The following TGFA variants were observed in gnomAD, a reference collection of about 807,000 sequenced individuals.
TGFA encodes the protein transforming growth factor alpha.
A neutral mutation model predicts 21.7 loss-of-function variants in TGFA; 12 were observed. The ratio of observed to expected loss-of-function variants is 0.55; its 90% confidence interval spans 0.35 to 0.90. TGFA has a LOEUF of 0.90. TGFA is among the 40% of genes least tolerant of loss of function. The pLI is 0.01. For missense variants in TGFA, 178 were observed against 210.8 expected, an observed-to-expected ratio of 0.84 and a Z score of 0.96; for synonymous variants, 79 against 88.1, an observed-to-expected ratio of 0.90 and a Z score of 0.58.
At chr2:70,481,652 A>G (rs889564646) in intron 2 of TGFA, among the ~76,000 whole-genome samples, 2 of 152,198 alleles carry the variant, frequency 1.3e-5, no homozygotes, top group Non-Finnish European at 1.5e-5. Context: ...TGCGACCAAT[A>G]GAATATGAAT....
chr2:70,538,211 T>C (rs191540700), intron 1 of TGFA, among the ~76,000 whole-genome samples: 27 of 152,360 alleles, frequency 1.8e-4, no homozygotes, highest in Admixed American at 1.8e-3. Context: ...TTACTATTCA[T>C]TGACAATGCA....
At chr2:70,550,452 A>T (rs1201342027) in intron 1 of TGFA, among the ~76,000 whole-genome samples, 1 of 151,956 alleles carries the variant, frequency 6.6e-6, no homozygotes, top group Admixed American at 6.5e-5. Context: ...AAATTTGCAT[A>T]AAAAATTAAA....
At chr2:70,496,181 C>A (rs1307314615) in intron 2 of TGFA, among the ~76,000 whole-genome samples, 2 of 152,070 alleles carry the variant, frequency 1.3e-5, no homozygotes, top group Admixed American at 6.5e-5. Flanking sequence ...TTATCTGAAG[C>A]TTGGACACTG....
intron 1 of TGFA, among the ~76,000 whole-genome samples, chr2:70,522,932 C>G (rs1672518804): frequency 6.6e-6 from 1 of 152,170 alleles, no homozygotes; most frequent in Admixed American, 6.5e-5. Flanking sequence ...GAGAAAGGAT[C>G]CTTCCAATTC....
intron 2 of TGFA, among the ~76,000 whole-genome samples, chr2:70,512,169 C>T (rs1274624359): frequency 1.3e-5 from 2 of 152,198 alleles, no homozygotes; most frequent in African/African-American, 2.4e-5. Context: ...GACTATAACA[C>T]GGTCATCACC....
intron 1 of TGFA, among the ~76,000 whole-genome samples, chr2:70,544,566 C>A (rs891574022): frequency 7.2e-5 from 11 of 152,152 alleles, no homozygotes; most frequent in Admixed American, 3.3e-4. Context: ...TCCACGAGAA[C>A]TGGAACTCTG....
In TGFA at chr2:70,456,321, G is replaced by C; in HGVS notation, c.365+18C>G. On this transcript the variant is annotated intron_variant, in intron 4 of 5. Coordinates refer to ENST00000295400, the MANE Select transcript of TGFA (RefSeq NM_003236.4). ...GAGGTGGGCAGGGGACCTGGCCTTA[G>C]GGGCAGCAAGTACTCACTGTATCAG... 2.6e-6 allele frequency: 4 copies of C among 1,540,060 alleles called. No individual in the cohort carries two copies. Among genetic ancestry groups the C allele is most frequent in the Non-Finnish European group, 3.5e-6 (4 of 1,137,054 alleles).
At position 70,553,080 on chromosome 2, in the gene TGFA, C is replaced by T. The variant is rs1476102858; in HGVS notation, c.40+648G>A. Reference sequence around the variant, plus strand: ...ACATACTCAAAGGAAACTGGCAACACTCGGTCTAGGGTTTCGCTCCTGCCC... The same window carrying T: ...ACATACTCAAAGGAAACTGGCAACATTCGGTCTAGGGTTTCGCTCCTGCCC... On this transcript the variant is annotated intron_variant, in intron 1 of 5. Transcript: ENST00000295400. 2.4e-6 allele frequency: 3 copies of T among 1,231,488 alleles called. No individual in the cohort carries two copies. The African/African-American group carries it at 4.5e-5, about 19-fold the overall frequency. The allele number at this position is 1,231,488 out of a possible 1,614,324, so 76.3% of individuals were successfully genotyped here.
intron 5 of TGFA, among the ~76,000 whole-genome samples, chr2:70,451,969 ACT>A (rs1553489713): frequency 4.6e-5 from 7 of 152,088 alleles, no homozygotes; most frequent in Non-Finnish European, 1.0e-4. Flanking sequence ...CCGCTCCCGC[ACT>A]CTCTGTGTGC....
At chr2:70,523,166 A>G (rs1672529393) in intron 1 of TGFA, among the ~76,000 whole-genome samples, 1 of 151,916 alleles carries the variant, frequency 6.6e-6, no homozygotes, top group Non-Finnish European at 1.5e-5. Context: ...CGATGAGATG[A>G]CCCCTGAAAT....
At chr2:70,501,517 G>T (rs1369178032) in intron 2 of TGFA, among the ~76,000 whole-genome samples, 1 of 152,116 alleles carries the variant, frequency 6.6e-6, no homozygotes, top group African/African-American at 2.4e-5. Context: ...AAACAAGAAA[G>T]AGAGAAAGTC....
chr2:70,472,826 C>T (rs868950481), intron 2 of TGFA, among the ~76,000 whole-genome samples: 10 of 152,242 alleles, frequency 6.6e-5, no homozygotes, highest in Non-Finnish European at 1.2e-4. Flanking sequence ...TCATTTACAG[C>T]CATTTCATAA....
At chr2:70,457,967 A>G (rs1353284804) in intron 3 of TGFA, among the ~76,000 whole-genome samples, 1 of 152,140 alleles carries the variant, frequency 6.6e-6, no homozygotes. Flanking sequence ...TTATCTTTTG[A>G]TTAATTAGCT....
chr2:70,459,127 C>T (rs887685815), intron 3 of TGFA, among the ~76,000 whole-genome samples: 19 of 152,180 alleles, frequency 1.2e-4, no homozygotes, highest in African/African-American at 2.9e-4. Context: ...CAGCTTGAAA[C>T]GTTTCTACTT....
chr2:70,530,713 C>G lies in TGFA; in HGVS notation c.41-15801G>C, dbSNP rs11466205. 8.0e-3 allele frequency among the ~76,000 whole-genome samples: 1,219 copies of G among 152,324 alleles called. 15 individuals are homozygous for G. The highest frequency in any genetic ancestry group is 0.028 in the African/African-American group (1,174 of 41,568). On this transcript the variant is annotated intron_variant, in intron 1 of 5. Transcript: ENST00000295400. ...GGCTATGCCCAAGGCTTTCTGGAAG[C>G]TCACACAGTGTCTCATCTAGCTCAG...
At chr2:70,474,487 G>A (rs1553493832) in intron 2 of TGFA, among the ~76,000 whole-genome samples, 1 of 152,232 alleles carries the variant, frequency 6.6e-6, no homozygotes, top group African/African-American at 2.4e-5. Flanking sequence ...ACTTTCAGGA[G>A]AAACAAGAGG....
chr2:70,549,558 G>C (rs1245245413), intron 1 of TGFA, among the ~76,000 whole-genome samples: 1 of 152,142 alleles, frequency 6.6e-6, no homozygotes, highest in Non-Finnish European at 1.5e-5. Flanking sequence ...TGCTGTAGAG[G>C]ATACTACAGA....
intron 2 of TGFA, among the ~76,000 whole-genome samples, chr2:70,509,684 C>T (rs1396170072): frequency 6.6e-6 from 1 of 152,190 alleles, no homozygotes; most frequent in African/African-American, 2.4e-5. Flanking sequence ...GTACCCAGCT[C>T]ATGCAAGGCA....
chr2:70,529,013 A>G (rs1176986478), intron 1 of TGFA, among the ~76,000 whole-genome samples: 1 of 152,222 alleles, frequency 6.6e-6, no homozygotes, highest in Admixed American at 6.5e-5. Flanking sequence ...GAAAATGTGT[A>G]GCAAGCAGCT....
Sources: gnomAD v4.1 joint callset for allele counts (sites outside exome capture counted in the v4.1 genomes callset) on GRCh38, gnomAD v4.1.1 for gene constraint, MANE v1.5 for transcripts, NCBI Gene and HGNC (gene_info 2026-07-23, HGNC 2026-07-21) for gene names.